Variants in SDK1 observed in about 807,000 individuals in gnomAD.
SDK1 encodes protein sidekick-1.
Under a neutral mutation model 245.5 loss-of-function variants are expected in SDK1, and 157 were observed. That is an observed-to-expected ratio of 0.64 (90% confidence interval 0.56 to 0.73). The LOEUF (loss-of-function observed/expected upper bound fraction) is 0.73. Among genes scored for constraint, SDK1 ranks in the 30% least tolerant of loss-of-function variants. The pLI is 0.00. For synonymous variants in SDK1, 1,647 were observed against 1,278.5 expected (o/e 1.29, Z -6.15); for missense variants, 3,583 against 3,002.3 (o/e 1.19, Z -4.52).
chr7:3,764,408 G>A (rs543692545), intron 4 of SDK1, among the ~76,000 whole-genome samples: 10 of 152,098 alleles, frequency 6.6e-5, no homozygotes, highest in African/African-American at 2.4e-4. Flanking sequence ...ATCCTAGGCC[G>A]GGCACAGTGA....
chr7:3,987,296 A>T lies in SDK1; in HGVS notation c.2105A>T (p.Tyr702Phe). ...RPFDGNSPIL[Y>F]YIVELSENNS... ...TTTGATGGAAACAGTCCTATTCTTTATTACATCGTGGAGCTCTCTGAAAAC... is the reference window on the plus strand; with the variant it reads ...TTTGATGGAAACAGTCCTATTCTTTTTTACATCGTGGAGCTCTCTGAAAAC... Residue 702 changes from tyrosine to phenylalanine, a missense_variant, in exon 14 of 45, where the codon TAT becomes TTT. By Grantham distance (22) the Tyr-to-Phe change is conservative (BLOSUM62 3). Transcript: ENST00000404826. The T allele has an allele frequency of 6.2e-7, 1 of 1,613,998 alleles. No individual in the cohort carries two copies. The highest frequency in any genetic ancestry group is 2.2e-5 in the East Asian group (1 of 44,884).
chr7:3,947,530 T>TTGTGTGTGTGTGTG (rs745830597), intron 5 of SDK1, among the ~76,000 whole-genome samples: 5 of 140,376 alleles, frequency 3.6e-5, no homozygotes, highest in African/African-American at 5.3e-5. Flanking sequence ...AAGTATTTGC[T>TTGTGTGTGTGTGTG]TGTGTGTGTG....
intron 10 of SDK1, among the ~76,000 whole-genome samples, chr7:3,968,565 A>G (rs1039201372): frequency 1.3e-5 from 2 of 152,226 alleles, no homozygotes; most frequent in African/African-American, 4.8e-5. Flanking sequence ...TTCCTGCCTA[A>G]TTTTGAACAT....
intron 1 of SDK1, among the ~76,000 whole-genome samples, chr7:3,384,855 G>T (rs1443245033): frequency 6.6e-6 from 1 of 152,164 alleles, no homozygotes; most frequent in Non-Finnish European, 1.5e-5. Flanking sequence ...ACTTACTGCA[G>T]TACCCGTAGT....
intron 4 of SDK1, among the ~76,000 whole-genome samples, chr7:3,817,797 C>G (rs1298881169): frequency 1.3e-5 from 2 of 152,206 alleles, no homozygotes; most frequent in Non-Finnish European, 2.9e-5. Flanking sequence ...AAATAGAGAA[C>G]TATGATTTTG....
chr7:3,425,691 A>G (rs1039908431), intron 1 of SDK1, among the ~76,000 whole-genome samples: 2 of 152,210 alleles, frequency 1.3e-5, no homozygotes, highest in African/African-American at 4.8e-5. Context: ...AAAGATTCTT[A>G]TGATAAAATG....
At chr7:3,910,873 T>C (rs375573772) in intron 5 of SDK1, among the ~76,000 whole-genome samples, 1 of 152,204 alleles carries the variant, frequency 6.6e-6, no homozygotes, top group Non-Finnish European at 1.5e-5. Flanking sequence ...GGCATTCTGT[T>C]GTATCCCATA....
intron 38 of SDK1, among the ~76,000 whole-genome samples, chr7:4,216,938 C>A (rs1784829994): frequency 6.6e-6 from 1 of 152,168 alleles, no homozygotes; most frequent in Non-Finnish European, 1.5e-5. Flanking sequence ...ACTCCTCGAA[C>A]CCCTGGGACA....
intron 4 of SDK1, among the ~76,000 whole-genome samples, chr7:3,818,666 G>T (rs1779570080): frequency 6.6e-6 from 1 of 152,336 alleles, no homozygotes; most frequent in Non-Finnish European, 1.5e-5. Flanking sequence ...CGGTTCAACA[G>T]GAAGTATCTG....
At chr7:3,987,627 G>C (rs188513830) in intron 14 of SDK1, among the ~76,000 whole-genome samples, 2 of 152,088 alleles carry the variant, frequency 1.3e-5, no homozygotes, top group Non-Finnish European at 2.9e-5. Flanking sequence ...GCTGGAAATG[G>C]GTTAACAATG....
intron 1 of SDK1, among the ~76,000 whole-genome samples, chr7:3,348,753 G>T (rs1305060131): frequency 6.6e-6 from 1 of 152,086 alleles, no homozygotes; most frequent in African/African-American, 2.4e-5. Flanking sequence ...TACTCATTTG[G>T]AGGACTTTCT....
At chr7:3,966,088 A>G (rs1782062720) in intron 9 of SDK1, among the ~76,000 whole-genome samples, 2 of 152,154 alleles carry the variant, frequency 1.3e-5, no homozygotes, top group African/African-American at 4.8e-5. Context: ...AGGGCAGCCC[A>G]AGGCTGGCTG....
chr7:3,687,463 A>C (rs1400235512), intron 4 of SDK1, among the ~76,000 whole-genome samples: 1 of 152,152 alleles, frequency 6.6e-6, no homozygotes, highest in Non-Finnish European at 1.5e-5. Flanking sequence ...CCAAACTGAA[A>C]ACATCCCAAA....
intron 4 of SDK1, among the ~76,000 whole-genome samples, chr7:3,663,748 T>C (rs1336046320): frequency 6.6e-6 from 1 of 152,184 alleles, no homozygotes. Context: ...ACTAGAATTA[T>C]GTGTTGTCCC....
intron 4 of SDK1, among the ~76,000 whole-genome samples, chr7:3,801,322 A>G (rs938676836): frequency 6.6e-6 from 1 of 152,188 alleles, no homozygotes; most frequent in African/African-American, 2.4e-5. Context: ...AGCATAGTGC[A>G]TATAATTTAT....
intron 14 of SDK1, among the ~76,000 whole-genome samples, chr7:4,001,870 T>C (rs377727972): frequency 1.3e-5 from 2 of 152,254 alleles, no homozygotes; most frequent in East Asian, 3.8e-4. Flanking sequence ...CTGTGGCCTC[T>C]GTCTTCTCTT....
At chr7:3,914,617 T>C (rs1459645961) in intron 5 of SDK1, among the ~76,000 whole-genome samples, 1 of 152,206 alleles carries the variant, frequency 6.6e-6, no homozygotes, top group Non-Finnish European at 1.5e-5. Context: ...TTGCATGTGC[T>C]CAGTCATCTT....
At chr7:3,388,230 G>A (rs1781657988) in intron 1 of SDK1, among the ~76,000 whole-genome samples, 1 of 151,488 alleles carries the variant, frequency 6.6e-6, no homozygotes, top group Admixed American at 6.6e-5. Flanking sequence ...TAAATGCTGT[G>A]GATGTGTATA....
chr7:3,889,428 C>G (rs1217173991), intron 5 of SDK1, among the ~76,000 whole-genome samples: 2 of 152,126 alleles, frequency 1.3e-5, no homozygotes, highest in African/African-American at 4.8e-5. Flanking sequence ...TTCATGGCAG[C>G]TGTAGCTGCA....
Sources: gnomAD v4.1 joint callset for allele counts (sites outside exome capture counted in the v4.1 genomes callset) on GRCh38, gnomAD v4.1.1 for gene constraint, MANE v1.5 for transcripts, NCBI Gene and HGNC (gene_info 2026-07-23, HGNC 2026-07-21) for gene names.